STIMATE: variants seen among roughly 807,000 people sequenced by gnomAD.
STIMATE encodes store-operated calcium entry regulator STIMATE.
STIMATE carries 15 observed loss-of-function variants against 36.7 expected under a neutral mutation model. That is an observed-to-expected ratio of 0.41 (90% CI 0.27 to 0.63). STIMATE has a LOEUF of 0.63. STIMATE is among the 20% of genes least tolerant of loss of function. The pLI is 0.32. For synonymous variants in STIMATE, 163 were observed against 162.3 expected, an observed-to-expected ratio of 1.00 and a Z score of -0.03; for missense variants, 305 against 397.3, an observed-to-expected ratio of 0.77 and a Z score of 1.98.
At chr3:52,895,857 G>A (rs1310248458) in intron 1 of STIMATE, 3 of 1,279,772 alleles carry the variant, frequency 2.3e-6, no homozygotes, top group Non-Finnish European at 3.1e-6. Context: ...AGAAGTAGGA[G>A]GGGTATGAAG....
intron 1 of STIMATE, among the ~76,000 whole-genome samples, chr3:52,884,823 A>G (rs1701666371): frequency 6.6e-6 from 1 of 152,196 alleles, no homozygotes; most frequent in Non-Finnish European, 1.5e-5. Flanking sequence ...GTGTTGTTGA[A>G]CATTTGAACT....
intron 4 of STIMATE, 23 bp downstream of exon 4, chr3:52,849,769 G>C (rs1700966409): frequency 1.2e-6 from 2 of 1,607,374 alleles, no homozygotes; most frequent in Admixed American, 1.7e-5. Context: ...CTCACGCCCT[G>C]TCCGGCATCC....
intron 1 of STIMATE, among the ~76,000 whole-genome samples, chr3:52,880,345 C>G (rs573555872): frequency 6.6e-6 from 1 of 152,164 alleles, no homozygotes; most frequent in Non-Finnish European, 1.5e-5. Context: ...AAGCACAGAA[C>G]CAGAGAAAGC....
In STIMATE at chr3:52,849,913, C is replaced by A; in HGVS notation, c.306G>T (p.Leu102=). The A allele has an allele frequency of 6.2e-7, 1 of 1,613,252 alleles. No individual in the cohort carries two copies. The highest frequency in any genetic ancestry group is 8.5e-7 in the Non-Finnish European group (1 of 1,179,656). ...CGTCCAGGAGGAAGTTGATGAGGTA[C>A]CTGTGAGGACAGGGCACATGCATGG... ...ADLTEEDPCS[L]YLINFLLDAT... is the part of the protein sequence containing the mutation. The change falls in exon 4 of 8, where the codon CTG becomes CTT. Residue 102 remains leucine, a splice_region_variant and synonymous_variant. Transcript: ENST00000355083.
chr3:52,871,008 T>C (rs1253537072), intron 1 of STIMATE, among the ~76,000 whole-genome samples: 5 of 151,980 alleles, frequency 3.3e-5, no homozygotes, highest in African/African-American at 1.2e-4. Flanking sequence ...GTCCTGAATC[T>C]TGCCCAATTC....
intron 1 of STIMATE, among the ~76,000 whole-genome samples, chr3:52,869,106 A>G (rs888443012): frequency 6.6e-6 from 1 of 152,104 alleles, no homozygotes; most frequent in Admixed American, 6.5e-5. Flanking sequence ...TACAAAACTG[A>G]CTATAATCAT....
At chr3:52,875,017 G>A (rs993523777) in intron 1 of STIMATE, among the ~76,000 whole-genome samples, 4 of 152,308 alleles carry the variant, frequency 2.6e-5, no homozygotes, top group East Asian at 1.9e-4. Flanking sequence ...CACGAGAGAC[G>A]GAAAATGCGC....
At chr3:52,854,176 G>C (rs1701053874) in intron 2 of STIMATE, among the ~76,000 whole-genome samples, 1 of 152,170 alleles carries the variant, frequency 6.6e-6, no homozygotes, top group South Asian at 2.1e-4. Flanking sequence ...AGGAGTTTTT[G>C]TTCTAGTATT....
Position 52,844,820 on chromosome 3 carries a change from G to A in STIMATE, c.540+9C>T, listed in dbSNP as rs780378748. Reference sequence around the variant, plus strand: ...GGCAAGGAGCTGCTCATGCAGGGACGAAGCAAACCTTTTTCCACTGAAGTA... The same window carrying A: ...GGCAAGGAGCTGCTCATGCAGGGACAAAGCAAACCTTTTTCCACTGAAGTA... On this transcript the variant is annotated intron_variant, in intron 5 of 7. Transcript: ENST00000355083. 9 of 1,613,536 alleles carry A rather than the reference G, an allele frequency of 5.6e-6. No individual in the cohort carries two copies. Among genetic ancestry groups the A allele is most frequent in the Non-Finnish European group, 7.6e-6 (9 of 1,179,516 alleles).
rs1700708264 is a variant in STIMATE at position 52,836,772 on chromosome 3, ATTGTAAACCAT to A, written c.*3711_*3721del. On this transcript the variant is annotated 3_prime_UTR_variant, in exon 8 of 8. Coordinates refer to ENST00000355083, the MANE Select transcript of STIMATE (RefSeq NM_198563.5). ...AAACTGTAATAAGATGCCAAACTTT[ATTGTAAACCAT>A]TTTACAATGTAAGTACATCATCTTC... is the stretch of plus-strand genomic sequence containing the variant. The A allele has an allele frequency of 2.9e-6, 1 of 346,494 alleles. No homozygotes were observed. The highest frequency in any genetic ancestry group is 3.7e-5 in the Admixed American group (1 of 26,988). The allele number at this position is 346,494 out of a possible 1,614,324, so 21.5% of individuals were successfully genotyped here. A position where few individuals can be genotyped will look rare whatever the true frequency, so the allele number is the denominator to read the frequency against.
intron 5 of STIMATE, 89 bp from the exon 6 acceptor site, chr3:52,843,887 A>G: frequency 6.4e-7 from 1 of 1,568,816 alleles, no homozygotes; most frequent in Non-Finnish European, 8.7e-7. Context: ...GCCCTGAGGG[A>G]GCCTTAGCTT....
intron 1 of STIMATE, among the ~76,000 whole-genome samples, chr3:52,878,154 C>T (rs1171610741): frequency 6.6e-6 from 1 of 151,600 alleles, no homozygotes; most frequent in Non-Finnish European, 1.5e-5. Context: ...AAGAAACAGT[C>T]TCAGACAGAT....
intron 1 of STIMATE, among the ~76,000 whole-genome samples, chr3:52,894,710 T>C (rs1017327523): frequency 1.3e-5 from 2 of 152,026 alleles, no homozygotes; most frequent in Non-Finnish European, 2.9e-5. Context: ...TGCAGAGAAA[T>C]GGGTTCATTC....
chr3:52,880,400 C>G (rs1701583262), intron 1 of STIMATE, among the ~76,000 whole-genome samples: 2 of 152,132 alleles, frequency 1.3e-5, no homozygotes, highest in African/African-American at 4.8e-5. Flanking sequence ...CAAATATGTA[C>G]AATTATTACA....
chr3:52,843,451 G>T (rs1174546988), intron 6 of STIMATE, among the ~76,000 whole-genome samples: 1 of 152,190 alleles, frequency 6.6e-6, no homozygotes, highest in Non-Finnish European at 1.5e-5. Flanking sequence ...CGCTACACAT[G>T]GGTGGGGCTT....
At chr3:52,853,894 C>T (rs988454799) in intron 2 of STIMATE, among the ~76,000 whole-genome samples, 2 of 152,208 alleles carry the variant, frequency 1.3e-5, no homozygotes. Context: ...CAGGCAGCTT[C>T]TTGTGGACAC....
intron 4 of STIMATE, among the ~76,000 whole-genome samples, chr3:52,845,781 G>T (rs1006075969): frequency 2.0e-5 from 3 of 152,098 alleles, no homozygotes; most frequent in African/African-American, 7.2e-5. Context: ...GAACCCTAGG[G>T]TGGCTCCTGG....
At chr3:52,880,345 C>T (rs573555872) in intron 1 of STIMATE, among the ~76,000 whole-genome samples, 1 of 152,164 alleles carries the variant, frequency 6.6e-6, no homozygotes, top group Non-Finnish European at 1.5e-5. Context: ...AAGCACAGAA[C>T]CAGAGAAAGC....
In STIMATE at chr3:52,837,811, C is replaced by G. The variant is rs766537290; in HGVS notation, c.*2683G>C. On this transcript the variant is annotated 3_prime_UTR_variant, in exon 8 of 8. Transcript: ENST00000355083. ...CATGTGGCCAGGTGAAGAGCTGCAC[C>G]TCGTAAGGCACCTTGGAGCAGGTGG... 1.3e-5 allele frequency: 2 copies of G among 152,182 alleles called. No homozygotes were observed. The highest frequency in any genetic ancestry group is 2.9e-5 in the Non-Finnish European group (2 of 68,054). The allele number at this position is 152,182 out of a possible 1,614,324, so 9.4% of individuals were successfully genotyped here.
Sources: allele counts gnomAD v4.1 joint callset (sites outside exome capture counted in the v4.1 genomes callset), GRCh38; gene constraint gnomAD v4.1.1; transcripts MANE v1.5; gene names NCBI Gene and HGNC (gene_info 2026-07-23, HGNC 2026-07-21).